The following LDLRAD3 variants were observed in gnomAD, a reference collection of about 807,000 sequenced individuals.
LDLRAD3 encodes low-density lipoprotein receptor class A domain-containing protein 3.
A neutral mutation model predicts 29.4 loss-of-function variants in LDLRAD3; 20 were observed. That is an observed-to-expected ratio of 0.68 (90% CI 0.48 to 0.99). The LOEUF is 0.99. LDLRAD3 is among the 50% of genes least tolerant of loss of function. The pLI, the probability that LDLRAD3 is intolerant of heterozygous loss-of-function variation, is 0.00. For missense variants in LDLRAD3, 420 were observed against 454.3 expected, an observed-to-expected ratio of 0.92 and a Z score of 0.69; for synonymous variants, 157 against 192.7, an observed-to-expected ratio of 0.81 and a Z score of 1.53.
chr11:36,025,263 A>G (rs1015475691), intron 1 of LDLRAD3, among the ~76,000 whole-genome samples: 4 of 152,136 alleles, frequency 2.6e-5, no homozygotes, highest in Non-Finnish European at 5.9e-5. Context: ...TGTTCCTTAT[A>G]ATAAAATTTT....
chr11:36,196,179 A>G (rs1262444812), intron 4 of LDLRAD3: 1 of 152,212 alleles, frequency 6.6e-6, no homozygotes, highest in Non-Finnish European at 1.5e-5. Context: ...GTTATCTAAT[A>G]TCTTTGGCAT....
chr11:36,141,103 G>A (rs1854080469), intron 4 of LDLRAD3, among the ~76,000 whole-genome samples: 2 of 151,300 alleles, frequency 1.3e-5, no homozygotes, highest in Admixed American at 6.6e-5. Flanking sequence ...AGATATGCGT[G>A]GTACTAGCCC....
chr11:36,073,892 G>A (rs1421362252), intron 2 of LDLRAD3, among the ~76,000 whole-genome samples: 2 of 152,234 alleles, frequency 1.3e-5, no homozygotes, highest in East Asian at 1.9e-4. Context: ...TAAGGAGGCG[G>A]CAGAGCAGCT....
chr11:36,195,848 C>T (rs780086554), intron 4 of LDLRAD3, among the ~76,000 whole-genome samples: 3 of 152,120 alleles, frequency 2.0e-5, no homozygotes, highest in Non-Finnish European at 2.9e-5. Flanking sequence ...GTTAATTCCC[C>T]ATATGTGCAT....
chr11:36,110,369 C>A (rs1229410343), intron 4 of LDLRAD3, among the ~76,000 whole-genome samples: 2 of 152,160 alleles, frequency 1.3e-5, no homozygotes, highest in African/African-American at 2.4e-5. Flanking sequence ...GCTCTCTCTC[C>A]CCGGTGAATG....
intron 2 of LDLRAD3, among the ~76,000 whole-genome samples, chr11:36,073,586 G>A (rs995694825): frequency 2.0e-5 from 3 of 152,260 alleles, no homozygotes; most frequent in Non-Finnish European, 4.4e-5. Flanking sequence ...TCTGGGATAG[G>A]CTTCTCTCTG....
At chr11:36,053,130 A>G (rs1324889551) in intron 2 of LDLRAD3, among the ~76,000 whole-genome samples, 3 of 152,176 alleles carry the variant, frequency 2.0e-5, no homozygotes, top group East Asian at 1.9e-4. Flanking sequence ...CTATAAGTCT[A>G]TTTTGTAAAA....
chr11:36,062,316 A>G (rs1032523953), intron 2 of LDLRAD3, among the ~76,000 whole-genome samples: 1 of 152,208 alleles, frequency 6.6e-6, no homozygotes, highest in Admixed American at 6.5e-5. Flanking sequence ...TCCCTAGTAC[A>G]GGGTTGGTTC....
intron 2 of LDLRAD3, among the ~76,000 whole-genome samples, chr11:36,057,192 C>G (rs1485550312): frequency 1.3e-5 from 2 of 152,176 alleles, no homozygotes; most frequent in African/African-American, 2.4e-5. Flanking sequence ...AGGAACCACA[C>G]TATGAGAAAC....
chr11:36,068,000 C>A (rs1852824579), intron 2 of LDLRAD3, among the ~76,000 whole-genome samples: 1 of 152,140 alleles, frequency 6.6e-6, no homozygotes, highest in Non-Finnish European at 1.5e-5. Flanking sequence ...AATGTTGATA[C>A]AGCTTCTGTT....
At chr11:36,110,462 G>T (rs7104796) in intron 4 of LDLRAD3, among the ~76,000 whole-genome samples, 138,485 of 152,136 alleles carry the variant, frequency 0.91, 64,176 homozygotes, top group East Asian at 1. Context: ...AGGGATCAGG[G>T]GTAGGGCTTG....
chr11:36,185,122 C>T (rs1358054), intron 4 of LDLRAD3, among the ~76,000 whole-genome samples: 9 of 151,956 alleles, frequency 5.9e-5, no homozygotes, highest in Admixed American at 2.0e-4. Flanking sequence ...GAAGTCTCTG[C>T]GCTAGAATTA....
chr11:36,119,946 A>C (rs961357180), intron 4 of LDLRAD3, among the ~76,000 whole-genome samples: 6 of 152,166 alleles, frequency 3.9e-5, no homozygotes, highest in Admixed American at 1.3e-4. Flanking sequence ...TTTTCTTTTA[A>C]GAGTTTTGTA....
rs528380126 is a variant in LDLRAD3 at position 36,061,169 on chromosome 11, C to T, written c.194-20484C>T. Among the ~76,000 whole-genome samples, 14 of 152,182 alleles carry T rather than the reference C, an allele frequency of 9.2e-5. No homozygotes were observed. In the East Asian group the frequency reaches 1.7e-3, roughly 19 times the overall value. On this transcript the variant is annotated intron_variant, in intron 2 of 5. Coordinates refer to ENST00000315571, the MANE Select transcript of LDLRAD3 (RefSeq NM_174902.4). Reference sequence around the variant, plus strand: ...TTTTTTTTCCCCTGAGACAGAGTCTCGCTCTGTTGCCCAGGCTGTGATGCA... The same window carrying T: ...TTTTTTTTCCCCTGAGACAGAGTCTTGCTCTGTTGCCCAGGCTGTGATGCA...
chr11:36,085,901 G>A (rs746403895), intron 3 of LDLRAD3, among the ~76,000 whole-genome samples: 8 of 152,058 alleles, frequency 5.3e-5, no homozygotes, highest in Non-Finnish European at 1.2e-4. Flanking sequence ...TTATAAGCAT[G>A]AGCCACCACA....
chr11:36,122,428 G>T (rs10082659), intron 4 of LDLRAD3, among the ~76,000 whole-genome samples: 64,419 of 151,908 alleles, frequency 0.42, 14,435 homozygotes, highest in Admixed American at 0.5. Context: ...ATGGAAACAG[G>T]ATTCATCTCC....
chr11:36,146,617 C>G (rs771595941), intron 4 of LDLRAD3, among the ~76,000 whole-genome samples: 2 of 152,134 alleles, frequency 1.3e-5, no homozygotes, highest in Non-Finnish European at 2.9e-5. Flanking sequence ...AGGGAAAATT[C>G]ACTGCATACC....
intron 4 of LDLRAD3, among the ~76,000 whole-genome samples, chr11:36,139,632 G>A (rs895427380): frequency 3.3e-5 from 5 of 152,128 alleles, no homozygotes; most frequent in East Asian, 1.9e-4. Flanking sequence ...TAACTTACCC[G>A]TAGTCACACA....
intron 1 of LDLRAD3, among the ~76,000 whole-genome samples, chr11:35,955,453 A>G (rs1565122021): frequency 1.3e-5 from 2 of 152,208 alleles, no homozygotes; most frequent in Admixed American, 6.5e-5. Flanking sequence ...GTAAAGCAAA[A>G]TGTTACTCTT....
Sources: allele counts gnomAD v4.1 joint callset (sites outside exome capture counted in the v4.1 genomes callset), GRCh38; gene constraint gnomAD v4.1.1; transcripts MANE v1.5; gene names NCBI Gene and HGNC (gene_info 2026-07-23, HGNC 2026-07-21).